The following ATG7 variants were observed in gnomAD, a reference collection of about 807,000 sequenced individuals.
ATG7 encodes ubiquitin-like modifier-activating enzyme ATG7.
ATG7 carries 70 observed loss-of-function variants against 82.4 expected under a neutral mutation model. That is an observed-to-expected ratio of 0.85 (90% CI 0.70 to 1.04). The LOEUF (loss-of-function observed/expected upper bound fraction) is 1.04. Ranked by LOEUF, ATG7 falls within the 50% of genes least tolerant of loss-of-function variation. The pLI is 0.00. For missense variants in ATG7, 792 were observed against 864.3 expected, an observed-to-expected ratio of 0.92 and a Z score of 1.05; for synonymous variants, 287 against 313.0, an observed-to-expected ratio of 0.92 and a Z score of 0.88.
downstream of ATG7, among the ~76,000 whole-genome samples, chr3:11,562,404 G>A (rs932632291): frequency 6.6e-6 from 1 of 152,134 alleles, no homozygotes; most frequent in African/African-American, 2.4e-5. Flanking sequence ...ACAGAGGAAG[G>A]CTTCCACCGT....
At chr3:11,554,318 G>C (rs192053108) in intron 20 of ATG7, among the ~76,000 whole-genome samples, 27 of 152,352 alleles carry the variant, frequency 1.8e-4, no homozygotes, top group Middle Eastern at 3.4e-3. Context: ...GTGTGAGTTG[G>C]GAGTGTGGGC....
intron 19 of ATG7, among the ~76,000 whole-genome samples, chr3:11,389,437 C>CTTTTTTTTTT: frequency 8.4e-6 from 1 of 118,934 alleles, no homozygotes; most frequent in Non-Finnish European, 1.7e-5. Context: ...TTTGTTAGTG[C>CTTTTTTTTTT]TTTTTTTTTT....
intron 18 of ATG7, among the ~76,000 whole-genome samples, chr3:11,378,067 A>T (rs1277553595): frequency 1.0e-5 from 1 of 95,982 alleles, no homozygotes; most frequent in Non-Finnish European, 1.8e-5. Flanking sequence ...TTACTCTGTC[A>T]CTCAGGCTGG....
At chr3:11,427,591 G>A (rs1463049544) in intron 20 of ATG7, among the ~76,000 whole-genome samples, 1 of 151,712 alleles carries the variant, frequency 6.6e-6, no homozygotes, top group Non-Finnish European at 1.5e-5. Context: ...GCCAAGGTGG[G>A]TGGGTCACAA....
chr3:11,370,401 T>G lies in ATG7; in HGVS notation c.1875+5667T>G, dbSNP rs568793691. Among the ~76,000 whole-genome samples, 4 of 151,240 alleles carry G rather than the reference T, an allele frequency of 2.6e-5. No individual in the cohort carries two copies. In the East Asian group the frequency reaches 7.7e-4, roughly 29 times the overall value. ...AAGCTCTTAGCTGAAACAAAGACCA[T>G]TCTGGTGTGCTTAGGGTTTTGCAAT... On this transcript the variant is annotated intron_variant, in intron 18 of 20. Coordinates refer to ENST00000693202, the MANE Select transcript of ATG7 (RefSeq NM_001349232.2).
chr3:11,453,228 G>C (rs1559656005), intron 20 of ATG7, among the ~76,000 whole-genome samples: 3 of 152,232 alleles, frequency 2.0e-5, no homozygotes, highest in Admixed American at 2.0e-4. Flanking sequence ...TTGCCATGTG[G>C]TCTGAGCACT....
chr3:11,406,000 G>GTT (rs10644770), intron 19 of ATG7, among the ~76,000 whole-genome samples: 124,493 of 150,512 alleles, frequency 0.83, 51,662 homozygotes, highest in East Asian at 1. Context: ...TTTTGTTTTT[G>GTT]TTTTTTGTAG....
At chr3:11,467,469 C>G (rs922127650) in intron 20 of ATG7, among the ~76,000 whole-genome samples, 4 of 152,124 alleles carry the variant, frequency 2.6e-5, no homozygotes, top group Admixed American at 2.0e-4. Flanking sequence ...CTCCGCCCCC[C>G]AGCTTCAAGC....
chr3:11,360,168 C>T (rs1344111163), intron 15 of ATG7, among the ~76,000 whole-genome samples: 1 of 152,218 alleles, frequency 6.6e-6, no homozygotes, highest in Non-Finnish European at 1.5e-5. Context: ...GCCTCTGCCT[C>T]CTGAGTAGCT....
In ATG7 at chr3:11,360,562, C is replaced by A. The variant is rs765207793; in HGVS notation, c.1480-19C>A. On this transcript the variant is annotated intron_variant, in intron 15 of 20. Transcript: ENST00000693202. The stretch of plus-strand genomic sequence containing the variant: ...TATGTGTCTTTTAACTCTGCTCTTT[C>A]ATTCCTTGAAACCTGCAGCTGGTCA... 6.2e-7 allele frequency: 1 copy of A among 1,608,250 alleles called. No individual in the cohort carries two copies. The highest frequency in any genetic ancestry group is 2.2e-5 in the East Asian group (1 of 44,792).
At chr3:11,563,414 T>G in the ATG7 span, among the ~76,000 whole-genome samples, 1 of 152,214 alleles carries the variant, frequency 6.6e-6, no homozygotes, top group Non-Finnish European at 1.5e-5. Context: ...AGCGGGTCCC[T>G]GTGGGTCGCA....
intron 20 of ATG7, among the ~76,000 whole-genome samples, chr3:11,510,926 G>A (rs537264272): frequency 2.0e-4 from 31 of 152,266 alleles, no homozygotes; most frequent in African/African-American, 7.2e-4. Flanking sequence ...GAATGAAGCC[G>A]CGGACCCTCG....
chr3:11,447,966 A>T (rs774979511), intron 20 of ATG7, among the ~76,000 whole-genome samples: 3 of 152,162 alleles, frequency 2.0e-5, no homozygotes, highest in Admixed American at 6.5e-5. Context: ...GTCTCCTCTT[A>T]GTTCTATTCC....
chr3:11,390,463 G>T (rs941979360), intron 19 of ATG7, among the ~76,000 whole-genome samples: 2 of 152,202 alleles, frequency 1.3e-5, no homozygotes, highest in African/African-American at 4.8e-5. Context: ...CCTGGAAAAT[G>T]AGACCTATGT....
chr3:11,561,566 T>C (rs1298399949), downstream of ATG7, among the ~76,000 whole-genome samples: 1 of 152,184 alleles, frequency 6.6e-6, no homozygotes, highest in African/African-American at 2.4e-5. Context: ...GTCAGGCATC[T>C]TGCCCCTGCC....
Position 11,486,392 on chromosome 3 carries a change from A to C in ATG7, c.2079+59466A>C, listed in dbSNP as rs564221155. Among the ~76,000 whole-genome samples, 517 of 152,304 alleles carry C rather than the reference A, an allele frequency of 3.4e-3. 3 individuals carry two copies. Among genetic ancestry groups the C allele is most frequent in the Non-Finnish European group, 5.4e-3 (364 of 68,028 alleles). On this transcript the variant is annotated intron_variant, in intron 20 of 20. Transcript: ENST00000693202. ...TGATTTTTGCACATTGATTTTGTAT[A>C]CTGAGACTTTGCTGAAGTTGCTTAT...
At chr3:11,499,472 G>T (rs954838387) in intron 20 of ATG7, among the ~76,000 whole-genome samples, 6 of 152,112 alleles carry the variant, frequency 3.9e-5, no homozygotes, top group African/African-American at 1.4e-4. Flanking sequence ...ACGGCCAGGC[G>T]CAGTGGCTCA....
At chr3:11,329,476 AC>A (rs1466380371) in intron 9 of ATG7, among the ~76,000 whole-genome samples, 1 of 151,882 alleles carries the variant, frequency 6.6e-6, no homozygotes, top group Non-Finnish European at 1.5e-5. Flanking sequence ...TCCCTCCCTC[AC>A]CCCTACTCAC....
chr3:11,574,956 CA>C, the ATG7 span, among the ~76,000 whole-genome samples: 1 of 152,078 alleles, frequency 6.6e-6, no homozygotes, highest in African/African-American at 2.4e-5. Flanking sequence ...AGTTACCATC[CA>C]AAACCCTTTT....
Sources: gnomAD v4.1 joint callset for allele counts (sites outside exome capture counted in the v4.1 genomes callset) on GRCh38, gnomAD v4.1.1 for gene constraint, MANE v1.5 for transcripts, NCBI Gene and HGNC (gene_info 2026-07-23, HGNC 2026-07-21) for gene names.